Variants in RNLS observed in about 807,000 individuals in gnomAD.
The protein encoded by RNLS is renalase.
In RNLS, 39 loss-of-function variants were observed where a neutral mutation model predicts 39.8. The ratio of observed to expected loss-of-function variants is 0.98; its 90% CI spans 0.76 to 1.28. The LOEUF (loss-of-function observed/expected upper bound fraction) is 1.28, where lower values mean the gene tolerates loss of function less well. Ranked by LOEUF, RNLS falls within the 50% of genes most tolerant of loss-of-function variation. RNLS has a pLI of 0.00. For synonymous variants in RNLS, 147 were observed against 150.7 expected, an observed-to-expected ratio of 0.98 and a Z score of 0.18; for missense variants, 410 against 413.3, an observed-to-expected ratio of 0.99 and a Z score of 0.07.
chr10:88,562,178 A>G (rs1308387122), intron 4 of RNLS, among the ~76,000 whole-genome samples: 1 of 152,120 alleles, frequency 6.6e-6, no homozygotes, highest in Non-Finnish European at 1.5e-5. Flanking sequence ...CACTTTGGGG[A>G]TCTTATCACC....
At chr10:88,337,800 A>C (rs943924722) in intron 5 of RNLS, among the ~76,000 whole-genome samples, 1 of 152,130 alleles carries the variant, frequency 6.6e-6, no homozygotes, top group African/African-American at 2.4e-5. Context: ...GTTTTATGTC[A>C]CTTGCAACTT....
intron 4 of RNLS, among the ~76,000 whole-genome samples, chr10:88,554,493 C>G (rs542250418): frequency 1.3e-4 from 19 of 151,988 alleles, no homozygotes; most frequent in Non-Finnish European, 2.1e-4. Flanking sequence ...ATATTCTACT[C>G]AATTCACCCC....
downstream of RNLS, among the ~76,000 whole-genome samples, chr10:88,279,992 C>T (rs1424780417): frequency 1.3e-5 from 2 of 152,082 alleles, no homozygotes; most frequent in Admixed American, 6.6e-5. Flanking sequence ...GTTTTGCTGT[C>T]TATCCACTAA....
intron 4 of RNLS, among the ~76,000 whole-genome samples, chr10:88,471,607 T>TC (rs1288190209): frequency 6.6e-6 from 1 of 152,182 alleles, no homozygotes; most frequent in Admixed American, 6.6e-5. Flanking sequence ...GCTTGATGAT[T>TC]CATGAGAAGA....
downstream of RNLS, among the ~76,000 whole-genome samples, chr10:88,282,077 C>A (rs4934390): frequency 0.56 from 85,157 of 151,832 alleles, 24,652 homozygotes; most frequent in Non-Finnish European, 0.62. Context: ...ACAGCAAGTA[C>A]CCCCCAAAGA....
the RNLS span, among the ~76,000 whole-genome samples, chr10:88,261,173 T>C: frequency 3.9e-5 from 6 of 152,362 alleles, no homozygotes; most frequent in Admixed American, 3.9e-4. Flanking sequence ...CTGTATTCCA[T>C]AGAGATCTGG....
chr10:88,174,996 T>A, the RNLS span, among the ~76,000 whole-genome samples: 3 of 152,208 alleles, frequency 2.0e-5, no homozygotes, highest in African/African-American at 7.2e-5. Flanking sequence ...TTAGCTTATA[T>A]GTGACCAGAT....
intron 4 of RNLS, among the ~76,000 whole-genome samples, chr10:88,453,943 A>G (rs1842481121): frequency 6.6e-6 from 1 of 152,252 alleles, no homozygotes; most frequent in South Asian, 2.1e-4. Context: ...TTAAAAACAA[A>G]CAAGAACATA....
At chr10:88,450,465 A>C (rs1842301081) in intron 4 of RNLS, among the ~76,000 whole-genome samples, 1 of 152,090 alleles carries the variant, frequency 6.6e-6, no homozygotes, top group African/African-American at 2.4e-5. Context: ...GTGTGAAGAG[A>C]GCAGCTGAGA....
chr10:88,223,035 G>T, the RNLS span, among the ~76,000 whole-genome samples: 1 of 152,190 alleles, frequency 6.6e-6, no homozygotes, highest in African/African-American at 2.4e-5. Context: ...CAAGCTCAAG[G>T]CAGTATCACC....
At chr10:88,318,603 C>A (rs554690256) in intron 5 of RNLS, among the ~76,000 whole-genome samples, 2 of 152,310 alleles carry the variant, frequency 1.3e-5, no homozygotes, top group South Asian at 2.1e-4. Context: ...ACAGCAGCAT[C>A]CTGGCAATGG....
intron 5 of RNLS, among the ~76,000 whole-genome samples, chr10:88,318,524 G>A (rs915314681): frequency 2.0e-5 from 3 of 152,208 alleles, no homozygotes; most frequent in African/African-American, 4.8e-5. Flanking sequence ...ATCCACACTC[G>A]CTGAAAGTGA....
chr10:88,385,799 T>C (rs949824368), intron 4 of RNLS, among the ~76,000 whole-genome samples: 5 of 152,068 alleles, frequency 3.3e-5, no homozygotes, highest in Admixed American at 3.3e-4. Flanking sequence ...GTCCACCTGG[T>C]GGTTGGGGGT....
the RNLS span, among the ~76,000 whole-genome samples, chr10:88,218,743 C>T: frequency 6.6e-6 from 1 of 152,202 alleles, no homozygotes; most frequent in Admixed American, 6.5e-5. Context: ...CATCTTAAAT[C>T]ACCATTTAAA....
the RNLS span, among the ~76,000 whole-genome samples, chr10:88,210,521 C>G: frequency 1.3e-5 from 2 of 152,174 alleles, no homozygotes; most frequent in African/African-American, 4.8e-5. Flanking sequence ...GCTGTTTTGA[C>G]CTTTCCAGTA....
chr10:88,505,335 G>A (rs1845727247), intron 4 of RNLS, among the ~76,000 whole-genome samples: 1 of 151,818 alleles, frequency 6.6e-6, no homozygotes, highest in African/African-American at 2.4e-5. Flanking sequence ...ACACTGGGAG[G>A]TAAAAAGAGG....
At chr10:88,374,015 T>C (rs2133449821) in intron 4 of RNLS, among the ~76,000 whole-genome samples, 1 of 152,144 alleles carries the variant, frequency 6.6e-6, no homozygotes, top group East Asian at 1.9e-4. Context: ...TGATCTACCT[T>C]AAAGGGCTGT....
At chr10:88,567,435 A>G (rs956393103) in intron 4 of RNLS, among the ~76,000 whole-genome samples, 1 of 152,236 alleles carries the variant, frequency 6.6e-6, no homozygotes, top group Non-Finnish European at 1.5e-5. Context: ...AAAACTATGC[A>G]GTTTTTAAAT....
the RNLS span, among the ~76,000 whole-genome samples, chr10:88,206,981 A>G: frequency 1.3e-5 from 2 of 152,174 alleles, no homozygotes; most frequent in African/African-American, 2.4e-5. Context: ...AAGGTGGCCC[A>G]CAGGCTAGAC....
Sources: gnomAD v4.1 joint callset for allele counts (sites outside exome capture counted in the v4.1 genomes callset) on GRCh38, gnomAD v4.1.1 for gene constraint, MANE v1.5 for transcripts, NCBI Gene and HGNC (gene_info 2026-07-23, HGNC 2026-07-21) for gene names.